Variants in GLIS3 observed in about 807,000 individuals in gnomAD.
GLIS3 encodes GLIS family zinc finger 3.
Under a neutral mutation model 78.6 loss-of-function variants are expected in GLIS3, and 53 were observed. The observed-to-expected ratio is 0.67, with a 90% CI of 0.54 to 0.85. GLIS3 has a LOEUF of 0.85. Ranked by LOEUF, GLIS3 falls within the 40% of genes least tolerant of loss-of-function variation. The probability of loss-of-function intolerance (pLI) is 0.00; values close to 1 mark genes in which losing one functional copy is unlikely to be tolerated. For missense variants in GLIS3, 1,703 were observed against 1,231.1 expected (o/e 1.38, Z -5.74); for synonymous variants, 684 against 509.9 (o/e 1.34, Z -4.60).
At chr9:4,108,052 T>G (rs544500292) in intron 4 of GLIS3, among the ~76,000 whole-genome samples, 93 of 152,300 alleles carry the variant, frequency 6.1e-4, no homozygotes, top group Admixed American at 1.8e-3. Flanking sequence ...TAATGATCTT[T>G]GAATATGTAG....
At chr9:3,859,479 A>G (rs558798607) in intron 8 of GLIS3, among the ~76,000 whole-genome samples, 28 of 152,128 alleles carry the variant, frequency 1.8e-4, no homozygotes, top group African/African-American at 6.3e-4. Flanking sequence ...AAGGTAAATT[A>G]AATTTTTTTG....
At chr9:4,301,082 C>T (rs1436510876), upstream of GLIS3, among the ~76,000 whole-genome samples, 1 of 152,106 alleles carries the variant, frequency 6.6e-6, no homozygotes, top group Non-Finnish European at 1.5e-5. Context: ...AACTAAAAGA[C>T]TATTGGCAGT....
chr9:3,828,157 G>T lies in GLIS3; in HGVS notation c.*115C>A. On this transcript the variant is annotated 3_prime_UTR_variant, in exon 11 of 11. Coordinates refer to ENST00000381971, the MANE Select transcript of GLIS3 (RefSeq NM_001042413.2). ...CTTCTGAAAGAACATCAGTAACTCT[G>T]CAGGGCCCGCTGATTGGGCTGACAT... 1.6e-6 allele frequency: 2 copies of T among 1,220,686 alleles called. No homozygotes were observed. Among genetic ancestry groups the T allele is most frequent in the Non-Finnish European group, 2.4e-6 (2 of 835,232 alleles). The allele number at this position is 1,220,686 out of a possible 1,614,324, so 75.6% of individuals were successfully genotyped here.
At chr9:4,467,511 G>A in the GLIS3 span, among the ~76,000 whole-genome samples, 2 of 152,182 alleles carry the variant, frequency 1.3e-5, no homozygotes, top group Non-Finnish European at 2.9e-5. Flanking sequence ...GTGATACCCA[G>A]GCAAACAGCG....
chr9:4,022,003 C>T (rs1402416317), intron 4 of GLIS3, among the ~76,000 whole-genome samples: 2 of 152,174 alleles, frequency 1.3e-5, no homozygotes, highest in Non-Finnish European at 2.9e-5. Context: ...TGTTTTTAGT[C>T]TCCAAAGCAC....
At chr9:3,855,953 A>C (rs765510046) in intron 9 of GLIS3, 56 bp downstream of exon 9, 1 of 1,554,704 alleles carries the variant, frequency 6.4e-7, no homozygotes, top group Non-Finnish European at 8.8e-7. Context: ...TAAGATGAAA[A>C]GCAACAGCAC....
intron 6 of GLIS3, among the ~76,000 whole-genome samples, chr9:3,923,876 G>C (rs1435257382): frequency 6.6e-6 from 1 of 152,194 alleles, no homozygotes; most frequent in African/African-American, 2.4e-5. Flanking sequence ...TAAAAGAATA[G>C]CCTGTAATCC....
At chr9:4,345,516 A>G (rs574282080) in intron 2 of GLIS3, among the ~76,000 whole-genome samples, 3 of 152,192 alleles carry the variant, frequency 2.0e-5, no homozygotes, top group African/African-American at 7.2e-5. Context: ...TAAATGTATC[A>G]TAATTTAGAA....
chr9:4,284,676 C>G (rs527424834), intron 2 of GLIS3, among the ~76,000 whole-genome samples: 2 of 150,440 alleles, frequency 1.3e-5, no homozygotes, highest in African/African-American at 4.9e-5. Flanking sequence ...TTTGGGAGGC[C>G]AAGGCAGGCA....
intron 8 of GLIS3, among the ~76,000 whole-genome samples, chr9:3,858,999 T>C (rs1287882106): frequency 6.6e-6 from 1 of 152,140 alleles, no homozygotes; most frequent in Non-Finnish European, 1.5e-5. Context: ...AACCAGCTCA[T>C]AGTAGAGTAG....
At position 4,336,556 on chromosome 9, in the gene GLIS3, A is replaced by G. The variant is rs537392950; in HGVS notation, n.264+10525T>C. Among the ~76,000 whole-genome samples the G allele has an allele frequency of 3.3e-5, 5 of 152,308 alleles. No homozygotes were observed. In the East Asian group the frequency reaches 7.7e-4, roughly 23 times the overall value. On this transcript the variant is annotated intron_variant and non_coding_transcript_variant, in intron 2 of 4. Coordinates refer to the GLIS3 transcript ENST00000471664. ...TCACATGAGCCCTGAAACTGAATAT[A>G]TAGTTTCCGTTTTATGGAAAAGGAA...
chr9:4,358,359 T>G, the GLIS3 span, among the ~76,000 whole-genome samples: 2 of 152,114 alleles, frequency 1.3e-5, no homozygotes, highest in African/African-American at 4.8e-5. Context: ...GTTGATAAAT[T>G]TATTCAATAA....
chr9:4,458,396 T>G, the GLIS3 span, among the ~76,000 whole-genome samples: 1,772 of 152,186 alleles, frequency 0.012, 36 homozygotes, highest in African/African-American at 0.04. Context: ...ACATGCCAGG[T>G]AGTGGTAATT....
chr9:4,411,633 C>T, the GLIS3 span, among the ~76,000 whole-genome samples: 2 of 152,074 alleles, frequency 1.3e-5, no homozygotes, highest in Admixed American at 1.3e-4. Flanking sequence ...TTAGAAAATC[C>T]ATATTTTTGA....
chr9:3,959,518 C>A (rs1038427838), intron 4 of GLIS3, among the ~76,000 whole-genome samples: 3 of 152,158 alleles, frequency 2.0e-5, no homozygotes, highest in African/African-American at 7.2e-5. Flanking sequence ...ACTCCAAATT[C>A]CTCTTTGCAG....
chr9:4,167,446 A>G (rs1815964192), intron 2 of GLIS3, among the ~76,000 whole-genome samples: 1 of 152,164 alleles, frequency 6.6e-6, no homozygotes, highest in Non-Finnish European at 1.5e-5. Flanking sequence ...TTTCACATAT[A>G]TCCTCACATA....
intron 2 of GLIS3, among the ~76,000 whole-genome samples, chr9:4,130,885 A>T (rs1019577494): frequency 6.6e-6 from 1 of 152,208 alleles, no homozygotes; most frequent in Non-Finnish European, 1.5e-5. Flanking sequence ...CACCTGGAAA[A>T]GCCACAGGTA....
chr9:4,322,570 CTGT>C (rs777029595), intron 2 of GLIS3, among the ~76,000 whole-genome samples: 2 of 152,158 alleles, frequency 1.3e-5, no homozygotes, highest in Admixed American at 6.5e-5. Flanking sequence ...TCTCCAGAAT[CTGT>C]TGTTGCCTGA....
At chr9:4,380,364 T>G in the GLIS3 span, among the ~76,000 whole-genome samples, 1 of 152,200 alleles carries the variant, frequency 6.6e-6, no homozygotes, top group African/African-American at 2.4e-5. Context: ...AGCAAAATGA[T>G]TTCAGAAATA....
Sources: gnomAD v4.1 joint callset for allele counts (sites outside exome capture counted in the v4.1 genomes callset) on GRCh38, gnomAD v4.1.1 for gene constraint, MANE v1.5 for transcripts, NCBI Gene and HGNC (gene_info 2026-07-23, HGNC 2026-07-21) for gene names.